The following LRFN5 variants were observed in gnomAD, a reference collection of about 807,000 sequenced individuals.
The protein encoded by LRFN5 is leucine-rich repeat and fibronectin type-III domain-containing protein 5.
In LRFN5, 24 loss-of-function variants were observed where a neutral mutation model predicts 45.6. The ratio of observed to expected loss-of-function variants is 0.53; its 90% CI spans 0.38 to 0.74. The LOEUF is 0.74. LRFN5 is among the 30% of genes least tolerant of loss of function. The pLI is 0.00. For missense variants in LRFN5, 776 were observed against 861.5 expected (o/e 0.90, Z 1.24); for synonymous variants, 340 against 313.8 (o/e 1.08, Z -0.88).
intron 2 of LRFN5, among the ~76,000 whole-genome samples, chr14:41,823,662 A>T (rs1888202316): frequency 6.6e-6 from 1 of 151,868 alleles, no homozygotes; most frequent in African/African-American, 2.4e-5. Context: ...TAGGTTTTTG[A>T]GTTTCTTGTA....
At chr14:41,849,656 C>G (rs1042427588) in intron 2 of LRFN5, among the ~76,000 whole-genome samples, 4 of 151,930 alleles carry the variant, frequency 2.6e-5, no homozygotes, top group Non-Finnish European at 5.9e-5. Context: ...TTCTCTGTCT[C>G]TTTTATGTGG....
At chr14:41,716,215 A>G (rs1468324578) in intron 1 of LRFN5, among the ~76,000 whole-genome samples, 1 of 152,188 alleles carries the variant, frequency 6.6e-6, no homozygotes, top group Non-Finnish European at 1.5e-5. Context: ...ACTGCCATGA[A>G]GACCTCTGGC....
chr14:41,639,026 T>C (rs993702172), intron 1 of LRFN5, among the ~76,000 whole-genome samples: 1 of 151,958 alleles, frequency 6.6e-6, no homozygotes, highest in Non-Finnish European at 1.5e-5. Context: ...TTACAGTAAA[T>C]AGAAGAAATT....
chr14:41,713,090 C>T (rs572469383), intron 1 of LRFN5, among the ~76,000 whole-genome samples: 7 of 152,136 alleles, frequency 4.6e-5, no homozygotes, highest in South Asian at 4.1e-4. Flanking sequence ...AACTGTATAT[C>T]ATAGAAATGT....
chr14:41,890,701 C>T (rs1309770782), intron 3 of LRFN5, among the ~76,000 whole-genome samples: 3 of 135,800 alleles, frequency 2.2e-5, no homozygotes, highest in Admixed American at 7.4e-5. Context: ...AGCGAGACTC[C>T]GTCTCAAAAA....
intron 1 of LRFN5, among the ~76,000 whole-genome samples, chr14:41,631,704 T>A (rs1244896891): frequency 6.6e-6 from 1 of 151,964 alleles, no homozygotes; most frequent in Non-Finnish European, 1.5e-5. Context: ...CTGAGAGAAA[T>A]AATAAGTCAT....
intron 1 of LRFN5, among the ~76,000 whole-genome samples, chr14:41,692,112 A>C (rs1183541139): frequency 6.6e-6 from 1 of 152,122 alleles, no homozygotes; most frequent in Non-Finnish European, 1.5e-5. Context: ...GAAATGTTGA[A>C]TATAGGGTAG....
intron 2 of LRFN5, among the ~76,000 whole-genome samples, chr14:41,807,071 C>G (rs185957079): frequency 1.8e-3 from 267 of 152,188 alleles, no homozygotes; most frequent in African/African-American, 6.0e-3. Flanking sequence ...GAATTCATAC[C>G]ATCTAACGAG....
intron 2 of LRFN5, among the ~76,000 whole-genome samples, chr14:41,871,507 T>C (rs1327853880): frequency 6.6e-6 from 1 of 152,010 alleles, no homozygotes; most frequent in African/African-American, 2.4e-5. Context: ...GATAATTTCT[T>C]GAACCCGGGA....
chr14:41,751,359 T>C (rs1885123993), intron 1 of LRFN5, among the ~76,000 whole-genome samples: 1 of 151,970 alleles, frequency 6.6e-6, no homozygotes, highest in South Asian at 2.1e-4. Flanking sequence ...GCTCCCGTGG[T>C]CAAGCATCAA....
At chr14:41,890,815 C>CGT (rs1890755021) in intron 3 of LRFN5, among the ~76,000 whole-genome samples, 2 of 151,866 alleles carry the variant, frequency 1.3e-5, no homozygotes, top group Non-Finnish European at 2.9e-5. Flanking sequence ...CTCTAAAATG[C>CGT]GTATCTATTT....
At chr14:41,740,470 A>G (rs531005046) in intron 1 of LRFN5, among the ~76,000 whole-genome samples, 44 of 152,170 alleles carry the variant, frequency 2.9e-4, no homozygotes, top group Non-Finnish European at 5.0e-4. Context: ...TTTTCTCAAT[A>G]GATACAGAAA....
rs1282906596 is a variant in LRFN5, at chr14:41,856,679, T to TTTTTTTTTTTTTTTA, written c.-20-29913_-20-29912insATTTTTTTTTTTTTT. Among the ~76,000 whole-genome samples the TTTTTTTTTTTTTTTA allele has an allele frequency of 1.1e-3, 64 of 60,092 alleles. 1 individual carries two copies. The highest frequency in any genetic ancestry group is 2.1e-3 in the Non-Finnish European group (57 of 27,342). 39.4% of individuals were successfully genotyped at this position (60,092 alleles called of 152,430 possible). A position where few individuals can be genotyped will look rare whatever the true frequency, so the allele number is the denominator to read the frequency against. Reference sequence around the variant, plus strand: ...TTCCTAATTATTATTATTATTATTTTTTTTTTTTTTTTTTTGAGACGGAGT... The same window carrying TTTTTTTTTTTTTTTA: ...TTCCTAATTATTATTATTATTATTTTTTTTTTTTTTTTTTATTTTTTTTTTTTTTTGAGACGGAGT... On this transcript the variant is annotated intron_variant, in intron 2 of 5. Transcript: ENST00000298119.
At chr14:41,744,030 A>T (rs147789304) in intron 1 of LRFN5, among the ~76,000 whole-genome samples, 70 of 152,290 alleles carry the variant, frequency 4.6e-4, no homozygotes, top group Admixed American at 4.6e-4. Context: ...GGTAACTACA[A>T]ATAAAATACT....
intron 2 of LRFN5, among the ~76,000 whole-genome samples, chr14:41,823,849 G>T (rs974678): frequency 0.041 from 6,262 of 152,094 alleles, 430 homozygotes; most frequent in African/African-American, 0.14. Context: ...CTTTCTCAAA[G>T]ACTTTGTTCA....
At chr14:41,795,667 A>G (rs1036658762) in intron 2 of LRFN5, among the ~76,000 whole-genome samples, 4 of 152,166 alleles carry the variant, frequency 2.6e-5, no homozygotes, top group Non-Finnish European at 4.4e-5. Flanking sequence ...TCAGCAAAGT[A>G]TCGCAAGGAC....
intron 2 of LRFN5, among the ~76,000 whole-genome samples, chr14:41,792,014 G>A (rs915581852): frequency 3.3e-5 from 5 of 152,020 alleles, no homozygotes; most frequent in African/African-American, 7.2e-5. Flanking sequence ...ATATTTCAAC[G>A]ATGTTCTTTC....
At chr14:41,832,153 GTCC>G (rs1240898320) in intron 2 of LRFN5, among the ~76,000 whole-genome samples, 5 of 152,124 alleles carry the variant, frequency 3.3e-5, no homozygotes, top group Admixed American at 6.6e-5. Flanking sequence ...GTCCATGGCA[GTCC>G]TCATCAAGCA....
chr14:41,783,142 C>A (rs960817479), intron 2 of LRFN5, among the ~76,000 whole-genome samples: 5 of 151,852 alleles, frequency 3.3e-5, no homozygotes, highest in African/African-American at 1.2e-4. Context: ...TTACTTTTCC[C>A]CTTTCCCTGC....
Sources: allele counts gnomAD v4.1 joint callset (sites outside exome capture counted in the v4.1 genomes callset), GRCh38; gene constraint gnomAD v4.1.1; transcripts MANE v1.5; gene names NCBI Gene and HGNC (gene_info 2026-07-23, HGNC 2026-07-21).